ZNRF1: variants seen among roughly 807,000 people sequenced by gnomAD.
The protein encoded by ZNRF1 is zinc and ring finger 1.
A neutral mutation model predicts 18.4 loss-of-function variants in ZNRF1; 3 were observed. The ratio of observed to expected loss-of-function variants is 0.16; its 90% CI spans 0.07 to 0.42. The LOEUF (loss-of-function observed/expected upper bound fraction) is 0.42. Among genes scored for constraint, ZNRF1 ranks in the 10% least tolerant of loss-of-function variants. The probability of loss-of-function intolerance (pLI) is 0.99; values close to 1 mark genes in which losing one functional copy is unlikely to be tolerated. For synonymous variants in ZNRF1, 157 were observed against 144.2 expected, an observed-to-expected ratio of 1.09 and a Z score of -0.64; for missense variants, 310 against 329.8, an observed-to-expected ratio of 0.94 and a Z score of 0.47.
At chr16:75,040,381 A>C (rs1223053002) in intron 1 of ZNRF1, among the ~76,000 whole-genome samples, 2 of 151,800 alleles carry the variant, frequency 1.3e-5, no homozygotes, top group African/African-American at 2.4e-5. Context: ...TGTCCTCCCA[A>C]AGTGCTGGGA....
At chr16:75,014,523 TTATTGATC>T (rs1171172906) in intron 1 of ZNRF1, among the ~76,000 whole-genome samples, 1 of 152,226 alleles carries the variant, frequency 6.6e-6, no homozygotes, top group Non-Finnish European at 1.5e-5. Flanking sequence ...ATTGATCTAT[TTATTGATC>T]TATTGATCTA....
Position 74,999,515 on chromosome 16 carries a change from T to G in ZNRF1, c.-157T>G. 1 of 508,264 alleles carries G rather than the reference T, an allele frequency of 2.0e-6. No homozygotes were observed. Among genetic ancestry groups the G allele is most frequent in the Non-Finnish European group, 3.1e-6 (1 of 324,192 alleles). The allele number at this position is 508,264 out of a possible 1,614,324, so 31.5% of individuals were successfully genotyped here. ...CGCCTGCCTCTTCCGCCCCGCGGGT[T>G]TTTTCCTTTTTTCCTTTTGCTTTTT... is the stretch of plus-strand genomic sequence containing the variant. On this transcript the variant is annotated 5_prime_UTR_variant, in exon 1 of 5. Coordinates refer to ENST00000335325, the MANE Select transcript of ZNRF1 (RefSeq NM_032268.5).
intron 1 of ZNRF1, among the ~76,000 whole-genome samples, chr16:75,079,459 A>G (rs112610932): frequency 0.023 from 3,572 of 152,266 alleles, 157 homozygotes; most frequent in African/African-American, 0.083. Context: ...CAGCCTGGCA[A>G]CAGAGCAAGA....
At chr16:75,082,462 A>C (rs549557459) in intron 1 of ZNRF1, among the ~76,000 whole-genome samples, 2 of 152,206 alleles carry the variant, frequency 1.3e-5, no homozygotes, top group Non-Finnish European at 2.9e-5. Flanking sequence ...TGATGTCTTC[A>C]CGCTCACCTC....
intron 2 of ZNRF1, chr16:75,095,771 T>C: frequency 6.7e-7 from 1 of 1,500,278 alleles, no homozygotes; most frequent in South Asian, 1.3e-5. Flanking sequence ...CCAGCTCCTC[T>C]GCCAGAGAAC....
intron 1 of ZNRF1, among the ~76,000 whole-genome samples, chr16:75,083,637 T>C (rs370963055): frequency 7.9e-5 from 12 of 152,312 alleles, no homozygotes; most frequent in African/African-American, 2.9e-4. Flanking sequence ...TAGATTGCAG[T>C]TGATACAAGG....
chr16:75,087,401 TG>T (rs1475614763), intron 1 of ZNRF1, among the ~76,000 whole-genome samples: 1 of 152,212 alleles, frequency 6.6e-6, no homozygotes, highest in Non-Finnish European at 1.5e-5. Context: ...GCCAACCAAA[TG>T]GCAAAGGATT....
chr16:75,016,055 G>C (rs1309368513), intron 1 of ZNRF1, among the ~76,000 whole-genome samples: 3 of 151,136 alleles, frequency 2.0e-5, no homozygotes, highest in African/African-American at 7.3e-5. Context: ...CGAGTAGCTG[G>C]GACTACAGGC....
chr16:75,018,556 G>T (rs2035100954), intron 1 of ZNRF1, among the ~76,000 whole-genome samples: 1 of 151,638 alleles, frequency 6.6e-6, no homozygotes, highest in African/African-American at 2.4e-5. Flanking sequence ...ATATGTTTTT[G>T]GTATATTGCC....
At chr16:75,071,893 C>T (rs1320029810) in intron 1 of ZNRF1, among the ~76,000 whole-genome samples, 1 of 152,094 alleles carries the variant, frequency 6.6e-6, no homozygotes, top group East Asian at 1.9e-4. Context: ...CCTTTTCACC[C>T]CTGACTCCTG....
intron 1 of ZNRF1, among the ~76,000 whole-genome samples, chr16:75,029,825 A>T: frequency 6.6e-6 from 1 of 152,058 alleles, no homozygotes; most frequent in East Asian, 1.9e-4. Context: ...ACTTGAGGTC[A>T]GGAGTTCGAG....
chr16:75,028,962 G>C (rs1328729735), intron 1 of ZNRF1, among the ~76,000 whole-genome samples: 2 of 152,212 alleles, frequency 1.3e-5, no homozygotes, highest in East Asian at 3.9e-4. Context: ...AGGCACGAAG[G>C]CTTAGTCCTT....
intron 1 of ZNRF1, among the ~76,000 whole-genome samples, chr16:75,033,087 T>C (rs1347449298): frequency 6.6e-6 from 1 of 152,210 alleles, no homozygotes; most frequent in Non-Finnish European, 1.5e-5. Flanking sequence ...TGTTTTTCTT[T>C]ATACGTCTGT....
chr16:75,086,470 G>A (rs1453429042), intron 1 of ZNRF1, among the ~76,000 whole-genome samples: 1 of 152,180 alleles, frequency 6.6e-6, no homozygotes, highest in Non-Finnish European at 1.5e-5. Flanking sequence ...ATGTTCTCTA[G>A]GAGAGACTGA....
intron 1 of ZNRF1, among the ~76,000 whole-genome samples, chr16:75,063,140 G>A (rs183843699): frequency 2.6e-5 from 4 of 152,302 alleles, no homozygotes; most frequent in Non-Finnish European, 5.9e-5. Context: ...AGAGTCATGC[G>A]AGTGGTTAGG....
At chr16:75,055,195 C>T (rs988702881) in intron 1 of ZNRF1, among the ~76,000 whole-genome samples, 3 of 152,142 alleles carry the variant, frequency 2.0e-5, no homozygotes, top group African/African-American at 7.2e-5. Context: ...TTCCATTGCT[C>T]CCATTTTAAT....
At chr16:75,045,149 A>T (rs990688482) in intron 1 of ZNRF1, among the ~76,000 whole-genome samples, 2 of 152,152 alleles carry the variant, frequency 1.3e-5, no homozygotes, top group African/African-American at 2.4e-5. Flanking sequence ...TGAGCACTTG[A>T]TGTGAGAGTT....
intron 1 of ZNRF1, among the ~76,000 whole-genome samples, chr16:75,072,917 T>G (rs554644164): frequency 2.6e-5 from 4 of 152,192 alleles, no homozygotes; most frequent in Non-Finnish European, 5.9e-5. Flanking sequence ...AGATACTGTG[T>G]TGGTGTAGTG....
rs935487117 is a variant in ZNRF1 at position 75,030,078 on chromosome 16, A to C, written c.424+29983A>C. On this transcript the variant is annotated intron_variant, in intron 1 of 4. Transcript: ENST00000335325. ...ATGCTATCTCAAAAAAAAAAAAAAA[A>C]AAAACCTGTTATTGAAATAATTCAC... Among the ~76,000 whole-genome samples, 8 of 152,112 alleles carry C rather than the reference A, an allele frequency of 5.3e-5. No homozygotes were observed. The South Asian group carries it at 1.2e-3, about 24-fold the overall frequency.
Sources: gnomAD v4.1 joint callset for allele counts (sites outside exome capture counted in the v4.1 genomes callset) on GRCh38, gnomAD v4.1.1 for gene constraint, MANE v1.5 for transcripts, NCBI Gene and HGNC (gene_info 2026-07-23, HGNC 2026-07-21) for gene names.